The following DOCK3 variants were observed in gnomAD, a reference collection of about 807,000 sequenced individuals.
DOCK3 encodes the protein dedicator of cytokinesis 3.
Under a neutral mutation model 265.6 loss-of-function variants are expected in DOCK3, and 60 were observed. That is an observed-to-expected ratio of 0.23 (90% CI 0.18 to 0.28). The LOEUF (loss-of-function observed/expected upper bound fraction) is 0.28. DOCK3 is among the 10% of genes least tolerant of loss of function. The pLI, the probability that DOCK3 is intolerant of heterozygous loss-of-function variation, is 1.00. For synonymous variants in DOCK3, 881 were observed against 938.0 expected (o/e 0.94, Z 1.11); for missense variants, 1,981 against 2,594.3 (o/e 0.76, Z 5.14).
intron 49 of DOCK3, among the ~76,000 whole-genome samples, chr3:51,372,429 G>C (rs1282332606): frequency 6.6e-6 from 1 of 152,220 alleles, no homozygotes; most frequent in Admixed American, 6.5e-5. Flanking sequence ...GGCCACCATA[G>C]CCCAGAGAGA....
chr3:51,080,608 T>C (rs762982837), intron 7 of DOCK3, among the ~76,000 whole-genome samples: 2 of 152,206 alleles, frequency 1.3e-5, no homozygotes, highest in African/African-American at 2.4e-5. Flanking sequence ...TAAATCATTC[T>C]CTCAAAATTT....
intron 1 of DOCK3, among the ~76,000 whole-genome samples, chr3:50,694,241 G>A (rs1166101218): frequency 6.6e-6 from 1 of 152,010 alleles, no homozygotes; most frequent in Admixed American, 6.6e-5. Context: ...CTGCACACCA[G>A]CCTGGGGGAT....
intron 27 of DOCK3, among the ~76,000 whole-genome samples, chr3:51,308,074 C>T (rs184884652): frequency 6.6e-6 from 1 of 151,758 alleles, no homozygotes; most frequent in African/African-American, 2.4e-5. Flanking sequence ...ACCATTCTGT[C>T]CCTTCTAATG....
rs1168981182 is a variant in DOCK3 at position 50,960,663 on chromosome 3, A to G, written c.315+26586A>G. ...GCTGTTCTTTTCACTTTCTTAATACATATTTTAAAGTGGAAACATTTTTAA... is the reference window on the plus strand; with the variant it reads ...GCTGTTCTTTTCACTTTCTTAATACGTATTTTAAAGTGGAAACATTTTTAA... On this transcript the variant is annotated intron_variant, in intron 5 of 52. Transcript: ENST00000266037. Among the ~76,000 whole-genome samples the G allele has an allele frequency of 4.6e-5, 7 of 152,070 alleles. No individual in the cohort carries two copies. The East Asian group carries it at 7.7e-4, about 17-fold the overall frequency.
chr3:50,698,517 G>GTTTTTTT lies in DOCK3; in HGVS notation c.37+23236_37+23242dup. Among the ~76,000 whole-genome samples the GTTTTTTT allele has an allele frequency of 1.2e-3, 24 of 19,516 alleles. 6 individuals carry two copies. Among genetic ancestry groups the GTTTTTTT allele is most frequent in the East Asian group, 1.9e-3 (2 of 1,064 alleles). 12.8% of individuals were successfully genotyped at this position (19,516 alleles called of 152,430 possible). A position where few individuals can be genotyped will look rare whatever the true frequency, so the allele number is the denominator to read the frequency against. On this transcript the variant is annotated intron_variant, in intron 1 of 52. Coordinates refer to ENST00000266037, the MANE Select transcript of DOCK3 (RefSeq NM_004947.5). ...GTTTCTCTGTGGATGTATGTTTTTG[G>GTTTTTTT]TTTTTTTTTTTTTTTTTTTTTTTTT...
At chr3:51,104,315 G>A (rs2083195309) in intron 9 of DOCK3, among the ~76,000 whole-genome samples, 1 of 152,178 alleles carries the variant, frequency 6.6e-6, no homozygotes, top group Non-Finnish European at 1.5e-5. Flanking sequence ...CTTGGCGAGG[G>A]AGTGGTAGAG....
At chr3:51,151,187 T>A (rs932456290) in intron 10 of DOCK3, among the ~76,000 whole-genome samples, 6 of 152,184 alleles carry the variant, frequency 3.9e-5, no homozygotes, top group African/African-American at 1.4e-4. Context: ...CATCCCTTTA[T>A]TTTGAGCCTA....
intron 2 of DOCK3, chr3:50,786,890 A>G (rs1200083350): frequency 5.4e-6 from 4 of 738,002 alleles, no homozygotes; most frequent in African/African-American, 3.4e-5. Flanking sequence ...AGAATGCTGC[A>G]GGGAGTGCCC....
intron 10 of DOCK3, among the ~76,000 whole-genome samples, chr3:51,156,352 GT>G (rs1275125692): frequency 2.6e-5 from 4 of 152,152 alleles, no homozygotes; most frequent in African/African-American, 9.7e-5. Context: ...AGAGAGTTTG[GT>G]CCAGTGAACA....
chr3:51,381,779 T>TA lies in DOCK3; in HGVS notation c.*221dup. 1 of 498,926 alleles carries TA rather than the reference T, an allele frequency of 2.0e-6. No homozygotes were observed. Among genetic ancestry groups the TA allele is most frequent in the Non-Finnish European group, 3.4e-6 (1 of 297,806 alleles). 30.9% of individuals were successfully genotyped at this position (498,926 alleles called of 1,614,324 possible). On this transcript the variant is annotated 3_prime_UTR_variant, in exon 53 of 53. Transcript: ENST00000266037. This position sits in a 1 kb window ranked among gnomAD's most constrained non-coding sequence, Gnocchi z 5.6. ...GTTGTGGCTTCCCTTTTTATTTTTTTACATTTCCATTTCTATGGGTTTTCC... is the reference window on the plus strand; with the variant it reads ...GTTGTGGCTTCCCTTTTTATTTTTTTAACATTTCCATTTCTATGGGTTTTCC...
chr3:51,019,032 G>A (rs2079477082), intron 5 of DOCK3, among the ~76,000 whole-genome samples: 1 of 151,790 alleles, frequency 6.6e-6, no homozygotes, highest in Non-Finnish European at 1.5e-5. Flanking sequence ...ACCACACCTG[G>A]TAAAGTTTTT....
At chr3:51,074,536 T>C (rs117699800) in intron 6 of DOCK3, among the ~76,000 whole-genome samples, 3 of 152,328 alleles carry the variant, frequency 2.0e-5, no homozygotes, top group East Asian at 1.9e-4. Context: ...TTTCTTAAAA[T>C]ATTGGTGCTA....
At chr3:51,159,943 T>G (rs1029777413) in intron 11 of DOCK3, among the ~76,000 whole-genome samples, 3 of 152,224 alleles carry the variant, frequency 2.0e-5, no homozygotes, top group Non-Finnish European at 4.4e-5. Context: ...AGAATATTTT[T>G]TAATCCCTTG....
intron 1 of DOCK3, among the ~76,000 whole-genome samples, chr3:50,730,957 C>T (rs981698004): frequency 1.3e-5 from 2 of 151,772 alleles, no homozygotes; most frequent in Non-Finnish European, 1.5e-5. Flanking sequence ...GGTGAAACCC[C>T]GTCTCTGCTA....
chr3:51,140,011 A>G (rs147889017), intron 9 of DOCK3, among the ~76,000 whole-genome samples: 4 of 152,380 alleles, frequency 2.6e-5, no homozygotes, highest in South Asian at 2.1e-4. Flanking sequence ...ACACAAGGCC[A>G]TGCAGATCTT....
At chr3:50,703,637 A>C (rs548238472) in intron 1 of DOCK3, among the ~76,000 whole-genome samples, 1 of 151,814 alleles carries the variant, frequency 6.6e-6, no homozygotes, top group South Asian at 2.1e-4. Flanking sequence ...TAAGAGTCTA[A>C]TGATTCTTTT....
At chr3:50,944,697 G>T (rs577239980) in intron 5 of DOCK3, among the ~76,000 whole-genome samples, 1 of 152,270 alleles carries the variant, frequency 6.6e-6, no homozygotes, top group East Asian at 1.9e-4. Context: ...GGTGGCTCAG[G>T]CCTGTAATTC....
chr3:50,875,142 C>A (rs2047640767), intron 3 of DOCK3, among the ~76,000 whole-genome samples: 1 of 152,066 alleles, frequency 6.6e-6, no homozygotes, highest in East Asian at 1.9e-4. Flanking sequence ...GTGCAGCAAA[C>A]CACCATGGCA....
At chr3:50,680,257 G>T (rs760531514) in intron 1 of DOCK3, among the ~76,000 whole-genome samples, 1 of 148,982 alleles carries the variant, frequency 6.7e-6, no homozygotes, top group Non-Finnish European at 1.5e-5. Flanking sequence ...TGATGCCCAG[G>T]TTGGAGTGCA....
Sources: allele counts gnomAD v4.1 joint callset (sites outside exome capture counted in the v4.1 genomes callset), GRCh38; gene constraint gnomAD v4.1.1; non-coding constraint Gnocchi (gnomAD v3.1); transcripts MANE v1.5; gene names NCBI Gene and HGNC (gene_info 2026-07-23, HGNC 2026-07-21).